COPS7A: variants seen among roughly 807,000 people sequenced by gnomAD.
COPS7A encodes COP9 signalosome subunit 7A, also known as COP9 signalosome complex subunit 7a.
COPS7A carries 20 observed loss-of-function variants against 35.2 expected under a neutral mutation model. That is an observed-to-expected ratio of 0.57 (90% CI 0.40 to 0.83). The LOEUF is 0.83. COPS7A is among the 40% of genes least tolerant of loss of function. COPS7A has a pLI of 0.00. For synonymous variants in COPS7A, 139 were observed against 141.4 expected (o/e 0.98, Z 0.12); for missense variants, 247 against 347.5 (o/e 0.71, Z 2.30).
chr12:6,730,234 C>T lies in COPS7A; in HGVS notation c.531-168C>T, dbSNP rs145397569. 3.8e-3 allele frequency among the ~76,000 whole-genome samples: 575 copies of T among 152,282 alleles called. 5 individuals are homozygous for T. The highest frequency in any genetic ancestry group is 0.013 in the African/African-American group (540 of 41,556). ...TTTTTGCCATATCGCTCAGGCTGGT[C>T]TTGAACTCCTGAGCTTAAGCAATTC... On this transcript the variant is annotated intron_variant, in intron 5 of 7. Transcript: ENST00000543155.
rs1298270524 is a variant in COPS7A at position 6,724,640 on chromosome 12, C to T, written c.-17C>T. On this transcript the variant is annotated 5_prime_UTR_variant, in exon 2 of 8. Transcript: ENST00000543155. ...TCTGGACATCCTGAGCCCAAGTCCC[C>T]CACACTCAGTGCAGTGATGAGTGCG... 1 of 1,613,960 alleles carries T rather than the reference C, an allele frequency of 6.2e-7. No homozygotes were observed. The highest frequency in any genetic ancestry group is 8.5e-7 in the Non-Finnish European group (1 of 1,179,966).
At position 6,724,734 on chromosome 12, in the gene COPS7A, G is replaced by C. The variant is rs1388720314; in HGVS notation, c.78G>C (p.Ala26=). 6.2e-7 allele frequency: 1 copy of C among 1,614,178 alleles called. No homozygotes were observed. ...TAGCCAAGTCGGCCAAGGGGGCAGC[G>C]CTGGCCACACTCATCCATCAGGTGC... ...LLLAKSAKGA[A]LATLIHQVLE... Residue 26 remains alanine (A), a synonymous_variant, in exon 2 of 8, where the codon GCG becomes GCC. Coordinates refer to ENST00000543155, the MANE Select transcript of COPS7A (RefSeq NM_001164094.2).
chr12:6,727,860 C>T (rs1036227310), intron 2 of COPS7A, 66 bp from the exon 3 acceptor site: 3 of 1,505,018 alleles, frequency 2.0e-6, no homozygotes, highest in Non-Finnish European at 2.8e-6. Flanking sequence ...GAGTTCCAAA[C>T]AGGGTAAGGC....
At chr12:6,724,355 C>A (rs1202575964) in intron 1 of COPS7A, 176 bp downstream of exon 1, 8 of 496,990 alleles carry the variant, frequency 1.6e-5, no homozygotes, top group African/African-American at 1.4e-4. Context: ...ACACCCATTT[C>A]TCCTTTGCAT....
At chr12:6,724,500 T>C in intron 1 of COPS7A, 114 bp from the exon 2 acceptor site, 1 of 873,280 alleles carries the variant, frequency 1.1e-6, no homozygotes, top group Non-Finnish European at 1.9e-6. Flanking sequence ...GCTCCATGTC[T>C]GATTCCTCAC....
chr12:6,729,166 G>C lies in COPS7A; in HGVS notation c.328-81G>C, dbSNP rs945020303. 20 of 1,460,578 alleles carry C rather than the reference G, an allele frequency of 1.4e-5. No homozygotes were observed. In the Admixed American group the frequency reaches 3.4e-4, roughly 25 times the overall value. 90.5% of individuals were successfully genotyped at this position (1,460,578 alleles called of 1,614,324 possible). ...GTGGAGGGCAGGTGGGCTAGGGCAGGGGGAAAAGGAGGGAAGATTTTTGGA... is the reference window on the plus strand; with the variant it reads ...GTGGAGGGCAGGTGGGCTAGGGCAGCGGGAAAAGGAGGGAAGATTTTTGGA... On this transcript the variant is annotated intron_variant, in intron 4 of 7. Transcript: ENST00000543155. This position sits in a 1 kb window ranked among gnomAD's most constrained non-coding sequence, Gnocchi z 4.2.
At chr12:6,725,408 T>A (rs1392461926) in intron 2 of COPS7A, among the ~76,000 whole-genome samples, 1 of 152,088 alleles carries the variant, frequency 6.6e-6, no homozygotes, top group African/African-American at 2.4e-5. Flanking sequence ...CCGCCCGCCT[T>A]GACCTCCCAA....
intron 2 of COPS7A, 34 bp from the exon 3 acceptor site, chr12:6,727,891 AC>A: frequency 6.2e-7 from 1 of 1,607,134 alleles, no homozygotes; most frequent in Non-Finnish European, 8.5e-7. Flanking sequence ...GAGAGGGAAG[AC>A]TTCCCGTCAC....
rs1555106269 is a variant in COPS7A, at chr12:6,726,610, A to AAAAT, written c.163-1300_163-1297dup. ...AGAGTGAGACTCTGTCTCAAAAAAA[A>AAAAT]AAATAAATAAATAAATAAAACAAAC... On this transcript the variant is annotated intron_variant, in intron 2 of 7. Coordinates refer to ENST00000543155, the MANE Select transcript of COPS7A (RefSeq NM_001164094.2). Among the ~76,000 whole-genome samples the AAAAT allele has an allele frequency of 1.1e-3, 147 of 138,864 alleles. 3 individuals are homozygous for AAAAT. Among genetic ancestry groups the AAAAT allele is most frequent in the South Asian group, 2.7e-3 (11 of 4,116 alleles). The allele number at this position is 138,864 out of a possible 152,430, so 91.1% of individuals were successfully genotyped here.
At chr12:6,725,251 G>T (rs979778318) in intron 2 of COPS7A, among the ~76,000 whole-genome samples, 4 of 151,542 alleles carry the variant, frequency 2.6e-5, no homozygotes, top group African/African-American at 7.3e-5. Context: ...CTGCCTCCTG[G>T]GTTCACGCCA....
chr12:6,730,716 C>T lies in COPS7A; in HGVS notation c.684C>T (p.Ala228=), dbSNP rs199950835. 5.5e-5 allele frequency: 88 copies of T among 1,614,118 alleles called. No homozygotes were observed. The highest frequency in any genetic ancestry group is 8.0e-5 in the African/African-American group (6 of 75,036). ...TTAAAGTTACGACGGCAGCAGCAGCCGCAGCCACATCTCAGGACCCTGAGC... is the reference window on the plus strand; with the variant it reads ...TTAAAGTTACGACGGCAGCAGCAGCTGCAGCCACATCTCAGGACCCTGAGC... ...KTIKVTTAAA[A]AATSQDPEQH... The change falls in exon 7 of 8, where the codon GCC becomes GCT. Residue 228 remains alanine, a synonymous_variant. Transcript: ENST00000543155.
Position 6,729,462 on chromosome 12 carries a change from T to C in COPS7A, c.530+13T>C. 6.2e-7 allele frequency: 1 copy of C among 1,611,316 alleles called. No homozygotes were observed. Among genetic ancestry groups the C allele is most frequent in the Non-Finnish European group, 8.5e-7 (1 of 1,179,662 alleles). ...CCCTGCAGGAATGGTGAGAACCGTA[T>C]CCTGGCACTGTCCCCTTCTCACCCT... is the stretch of plus-strand genomic sequence containing the variant. On this transcript the variant is annotated intron_variant, in intron 5 of 7. Transcript: ENST00000543155. This position sits in a 1 kb window ranked among gnomAD's most constrained non-coding sequence, Gnocchi z 4.2.
intron 2 of COPS7A, chr12:6,727,580 A>G (rs961674691): frequency 1.3e-5 from 6 of 455,138 alleles, no homozygotes; most frequent in East Asian, 6.1e-5. Context: ...AGAAACATCA[A>G]ACACTCTGAG....
At chr12:6,724,902 A>G in intron 2 of COPS7A, 84 bp downstream of exon 2, 1 of 1,418,896 alleles carries the variant, frequency 7.0e-7, no homozygotes, top group Non-Finnish European at 9.8e-7. Flanking sequence ...TCATTTTGTG[A>G]TCCAATAACC....
chr12:6,730,976 CT>C, intron 7 of COPS7A, 23 bp from the exon 8 acceptor site: 1 of 1,602,168 alleles, frequency 6.2e-7, no homozygotes, highest in Non-Finnish European at 8.5e-7. Flanking sequence ...CTCTCTCTCT[CT>C]TTCTCTCTCT....
rs1189778647 is a variant in COPS7A, at chr12:6,730,380, TTC to T, written c.531-17_531-16del. On this transcript the variant is annotated intron_variant, in intron 5 of 7. Transcript: ENST00000543155. The stretch of plus-strand genomic sequence containing the variant: ...GATCGCAGCCCTTGTCTGCTGACAC[TTC>T]TCTCCCCTGACTCCTGCAGGTGTGT... 1.2e-6 allele frequency: 2 copies of T among 1,611,764 alleles called. No individual in the cohort carries two copies. Among genetic ancestry groups the T allele is most frequent in the Non-Finnish European group, 1.7e-6 (2 of 1,177,946 alleles).
chr12:6,728,194 ATTC>A, intron 3 of COPS7A, 26 bp from the exon 4 acceptor site: 1 of 1,604,876 alleles, frequency 6.2e-7, no homozygotes, highest in African/African-American at 1.3e-5. Context: ...TGAAATCAGG[ATTC>A]CTTACACTTT....
intron 5 of COPS7A, among the ~76,000 whole-genome samples, 159 bp from the exon 6 acceptor site, chr12:6,730,243 C>T (rs1313542778): frequency 1.3e-5 from 2 of 152,180 alleles, no homozygotes; most frequent in Non-Finnish European, 2.9e-5. Flanking sequence ...TCTTGAACTC[C>T]TGAGCTTAAG....
In COPS7A at chr12:6,729,560, G is replaced by A; in HGVS notation, c.530+111G>A. ...GGTCCGCAGAGGTGGAACCCAAGAGGATGAAGGGAAATGAGTTCATCCCTC... is the reference window on the plus strand; with the variant it reads ...GGTCCGCAGAGGTGGAACCCAAGAGAATGAAGGGAAATGAGTTCATCCCTC... On this transcript the variant is annotated intron_variant, in intron 5 of 7. Coordinates refer to ENST00000543155, the MANE Select transcript of COPS7A (RefSeq NM_001164094.2). This position sits in a 1 kb window ranked among gnomAD's most constrained non-coding sequence, Gnocchi z 4.2. The A allele has an allele frequency of 8.7e-7, 1 of 1,146,194 alleles. No homozygotes were observed. The allele number at this position is 1,146,194 out of a possible 1,614,324, so 71.0% of individuals were successfully genotyped here.
Sources: allele counts gnomAD v4.1 joint callset (sites outside exome capture counted in the v4.1 genomes callset), GRCh38; gene constraint gnomAD v4.1.1; non-coding constraint Gnocchi (gnomAD v3.1); transcripts MANE v1.5; gene names NCBI Gene and HGNC (gene_info 2026-07-23, HGNC 2026-07-21).